Variants in CCSER1 observed in about 807,000 individuals in gnomAD.
CCSER1 encodes coiled-coil serine rich protein 1, also known as serine-rich coiled-coil domain-containing protein 1.
A neutral mutation model predicts 82.0 loss-of-function variants in CCSER1; 41 were observed. The ratio of observed to expected loss-of-function variants is 0.50; its 90% confidence interval spans 0.39 to 0.65. CCSER1 has a LOEUF of 0.65. CCSER1 is among the 30% of genes least tolerant of loss of function. CCSER1 has a pLI of 0.00. For missense variants in CCSER1, 1,119 were observed against 1,064.2 expected (o/e 1.05, Z -0.72); for synonymous variants, 414 against 383.9 (o/e 1.08, Z -0.92).
intron 10 of CCSER1, among the ~76,000 whole-genome samples, chr4:91,215,485 C>A (rs762624428): frequency 1.1e-4 from 16 of 152,118 alleles, no homozygotes; most frequent in Admixed American, 3.3e-4. Context: ...AGCAAGATAG[C>A]CAGTCTGAGT....
chr4:91,328,322 A>G (rs1290367261), intron 10 of CCSER1, among the ~76,000 whole-genome samples: 4 of 152,292 alleles, frequency 2.6e-5, no homozygotes, highest in African/African-American at 7.2e-5. Context: ...ACTTACAATC[A>G]TGGCCAAAGG....
At chr4:91,547,125 T>A (rs577438558) in intron 10 of CCSER1, among the ~76,000 whole-genome samples, 1 of 152,244 alleles carries the variant, frequency 6.6e-6, no homozygotes, top group East Asian at 1.9e-4. Context: ...ATATTATTTT[T>A]AATTTGTTAA....
intron 10 of CCSER1, among the ~76,000 whole-genome samples, chr4:91,423,278 A>AAG (rs1753783535): frequency 6.6e-6 from 1 of 151,916 alleles, no homozygotes; most frequent in Admixed American, 6.6e-5. Context: ...AAAAAAAAAA[A>AAG]AATTAGCCAG....
At chr4:90,581,471 C>T (rs1296007558) in intron 5 of CCSER1, among the ~76,000 whole-genome samples, 2 of 152,044 alleles carry the variant, frequency 1.3e-5, no homozygotes, top group South Asian at 2.1e-4. Context: ...TTACGTTCTA[C>T]TTAATGCAAG....
chr4:90,802,139 A>G (rs1407192175), intron 7 of CCSER1, among the ~76,000 whole-genome samples: 1 of 151,268 alleles, frequency 6.6e-6, no homozygotes, highest in Admixed American at 6.6e-5. Flanking sequence ...AATCGCTTGA[A>G]CCCGGGAGGC....
intron 7 of CCSER1, among the ~76,000 whole-genome samples, chr4:90,768,794 C>A (rs1437229665): frequency 6.6e-6 from 1 of 152,166 alleles, no homozygotes; most frequent in Non-Finnish European, 1.5e-5. Flanking sequence ...AAGGAGATGT[C>A]TTAGCAAAGA....
chr4:90,258,621 C>G (rs1045356791), intron 1 of CCSER1, among the ~76,000 whole-genome samples: 13 of 151,842 alleles, frequency 8.6e-5, no homozygotes, highest in Non-Finnish European at 1.6e-4. Flanking sequence ...TATAGTTTCA[C>G]TTTCAAAGAT....
At chr4:91,572,217 C>G (rs1035189961) in intron 10 of CCSER1, among the ~76,000 whole-genome samples, 1 of 152,108 alleles carries the variant, frequency 6.6e-6, no homozygotes, top group Non-Finnish European at 1.5e-5. Context: ...AGTCTCTAGT[C>G]ACTTCAAATT....
chr4:91,410,956 A>C (rs1350746715), intron 10 of CCSER1, among the ~76,000 whole-genome samples: 1 of 152,088 alleles, frequency 6.6e-6, no homozygotes, highest in Admixed American at 6.6e-5. Flanking sequence ...TAAAAAGTAC[A>C]TTGTCTTCTG....
intron 7 of CCSER1, among the ~76,000 whole-genome samples, chr4:90,748,533 G>C (rs186042030): frequency 0.09 from 13,335 of 148,528 alleles, 758 homozygotes; most frequent in East Asian, 0.16. Context: ...ACGATTTATA[G>C]TCCTTTGGGT....
intron 10 of CCSER1, among the ~76,000 whole-genome samples, chr4:91,493,487 A>C (rs2110075246): frequency 6.6e-6 from 1 of 151,844 alleles, no homozygotes; most frequent in East Asian, 1.9e-4. Flanking sequence ...TGAAATATTT[A>C]TTACAATGAA....
rs1300163814 is a variant in CCSER1, at chr4:90,132,950, A to G, written c.-42+5119A>G. Among the ~76,000 whole-genome samples the G allele has an allele frequency of 2.6e-5, 4 of 152,298 alleles. No individual in the cohort carries two copies. The East Asian group carries it at 7.7e-4, about 29-fold the overall frequency. ...TTCTTAACCTAGAGTAGTGGTTTTCAAAATGTGGTGTCCTAAGCAGCAATA... is the reference window on the plus strand; with the variant it reads ...TTCTTAACCTAGAGTAGTGGTTTTCGAAATGTGGTGTCCTAAGCAGCAATA... On this transcript the variant is annotated intron_variant, in intron 1 of 10. Transcript: ENST00000509176.
chr4:90,541,478 C>G (rs1776104513), intron 5 of CCSER1, among the ~76,000 whole-genome samples: 1 of 152,054 alleles, frequency 6.6e-6, no homozygotes, highest in South Asian at 2.1e-4. Context: ...TGATCTGGAG[C>G]AAGTTACTTA....
chr4:91,295,276 T>C (rs911076842), intron 10 of CCSER1, among the ~76,000 whole-genome samples: 2 of 151,976 alleles, frequency 1.3e-5, no homozygotes, highest in Admixed American at 6.6e-5. Context: ...ATGCAGTGGA[T>C]CTTAGTTTTT....
At chr4:91,405,865 T>G (rs1369588214) in intron 10 of CCSER1, among the ~76,000 whole-genome samples, 1 of 152,114 alleles carries the variant, frequency 6.6e-6, no homozygotes, top group Non-Finnish European at 1.5e-5. Flanking sequence ...CTTAATCTCC[T>G]TAGGTTGCAC....
intron 9 of CCSER1, among the ~76,000 whole-genome samples, chr4:91,055,988 G>A (rs147334102): frequency 2.6e-5 from 4 of 151,894 alleles, no homozygotes; most frequent in African/African-American, 7.2e-5. Flanking sequence ...CCTCTTATGC[G>A]TTTTTCATTT....
At chr4:91,133,182 T>C (rs1442188091) in intron 10 of CCSER1, among the ~76,000 whole-genome samples, 1 of 152,188 alleles carries the variant, frequency 6.6e-6, no homozygotes, top group Non-Finnish European at 1.5e-5. Context: ...GGTTCCCTTC[T>C]CTTCTCTTTT....
At chr4:90,545,158 A>G (rs1425592069) in intron 5 of CCSER1, among the ~76,000 whole-genome samples, 1 of 152,132 alleles carries the variant, frequency 6.6e-6, no homozygotes, top group Non-Finnish European at 1.5e-5. Flanking sequence ...TATTAAACCT[A>G]GAGAAAGTGA....
chr4:90,182,423 GA>G (rs1733889950), intron 1 of CCSER1, among the ~76,000 whole-genome samples: 1 of 152,076 alleles, frequency 6.6e-6, no homozygotes, highest in African/African-American at 2.4e-5. Flanking sequence ...GAAGCAGTAG[GA>G]CCAGTCTTTG....
Sources: allele counts gnomAD v4.1 joint callset (sites outside exome capture counted in the v4.1 genomes callset), GRCh38; gene constraint gnomAD v4.1.1; transcripts MANE v1.5; gene names NCBI Gene and HGNC (gene_info 2026-07-23, HGNC 2026-07-21).